Variants in NMBR observed in about 807,000 individuals in gnomAD.
NMBR encodes neuromedin B receptor.
Under a neutral mutation model 20.5 loss-of-function variants are expected in NMBR, and 16 were observed. That is an observed-to-expected ratio of 0.78 (90% CI 0.53 to 1.19). NMBR has a LOEUF of 1.19. Among genes scored for constraint, NMBR ranks in the 50% most tolerant of loss-of-function variants. NMBR has a pLI of 0.00. For missense variants in NMBR, 582 were observed against 499.1 expected (o/e 1.17, Z -1.58); for synonymous variants, 212 against 196.6 (o/e 1.08, Z -0.65).
rs147730421 is a variant in NMBR, at chr6:142,083,379, G to A, written c.423-4476C>T. Among the ~76,000 whole-genome samples, 129 of 152,282 alleles carry A rather than the reference G, an allele frequency of 8.5e-4. No individual in the cohort carries two copies. In the East Asian group the frequency reaches 0.022, roughly 26 times the overall value. On this transcript the variant is annotated intron_variant, in intron 2 of 3. Transcript: ENST00000258042. ...TATGACTCACATTTTGTGAAAGTAT[G>A]GGTCATTTTATATTTTCCAACTTTT...
chr6:142,078,830 C>T lies in NMBR; in HGVS notation c.496G>A (p.Gly166Ser). ...AGCAACACGGAGACCACCCAGATAC[C>T]CATGGCCTTCACACAGGTCCGCAGC... ...ALLRTCVKAM[G>S]IWVVSVLLAV... The change falls in exon 3 of 4, where the codon GGT (glycine) becomes AGT (serine). Residue 166 changes from glycine (G) to serine (S), a missense_variant. Gly to Ser is a moderately conservative substitution (Grantham distance 56). Coordinates refer to ENST00000258042, the MANE Select transcript of NMBR (RefSeq NM_002511.4). 3 of 1,613,896 alleles carry T rather than the reference C, an allele frequency of 1.9e-6. No homozygotes were observed. Among genetic ancestry groups the T allele is most frequent in the Non-Finnish European group, 2.5e-6 (3 of 1,180,002 alleles).
rs1181099175 is a variant in NMBR, at chr6:142,079,094, A to AAG, written c.423-193_423-192dup. On this transcript the variant is annotated intron_variant, in intron 2 of 3. Transcript: ENST00000258042. Reference sequence around the variant, plus strand: ...AAAGAGAGAAAGAAAGAAAGAGAGAAAGAGAGAGAGAGAAAGAAAGAAAGA... The same window carrying AAG: ...AAAGAGAGAAAGAAAGAAAGAGAGAAAGAGAGAGAGAGAGAAAGAAAGAAAGA... Among the ~76,000 whole-genome samples, 29 of 48,946 alleles carry AAG rather than the reference A, an allele frequency of 5.9e-4. No homozygotes were observed. In the Admixed American group the frequency reaches 6.7e-3, roughly 11 times the overall value. The allele number at this position is 48,946 out of a possible 152,430, so 32.1% of individuals were successfully genotyped here. A position where few individuals can be genotyped will look rare whatever the true frequency, so the allele number is the denominator to read the frequency against.
At chr6:142,102,057 A>T (rs1036829196) in intron 1 of NMBR, among the ~76,000 whole-genome samples, 2 of 152,156 alleles carry the variant, frequency 1.3e-5, no homozygotes, top group Non-Finnish European at 2.9e-5. Context: ...TCATGAACCA[A>T]ACCAACTACA....
chr6:142,108,090 C>T (rs900861720), intron 1 of NMBR, among the ~76,000 whole-genome samples: 3 of 151,916 alleles, frequency 2.0e-5, no homozygotes, highest in Admixed American at 6.6e-5. Context: ...ACATGTAGAA[C>T]ATAATTAAGC....
intron 2 of NMBR, among the ~76,000 whole-genome samples, chr6:142,084,773 C>G (rs1324008627): frequency 1.3e-5 from 2 of 152,148 alleles, no homozygotes; most frequent in East Asian, 3.9e-4. Context: ...GGAAACGCAG[C>G]TACTCATATA....
intron 1 of NMBR, among the ~76,000 whole-genome samples, chr6:142,128,957 A>C (rs1778089248): frequency 1.3e-5 from 1 of 77,876 alleles, no homozygotes; most frequent in Admixed American, 1.2e-4. Flanking sequence ...ATGTTTGGTA[A>C]CTTGTTGCAA....
intron 1 of NMBR, among the ~76,000 whole-genome samples, chr6:142,095,060 A>G (rs962346712): frequency 6.6e-6 from 1 of 152,082 alleles, no homozygotes; most frequent in Admixed American, 6.6e-5. Flanking sequence ...GGGCTGAGAC[A>G]ATGGGGTTTT....
intron 1 of NMBR, among the ~76,000 whole-genome samples, chr6:142,141,949 CTT>C (rs754793225): frequency 9.2e-5 from 14 of 151,898 alleles, no homozygotes; most frequent in Non-Finnish European, 1.3e-4. Flanking sequence ...ATTAATAAAA[CTT>C]ATAAATTTCT....
chr6:142,134,123 C>T (rs1436858461), intron 1 of NMBR: 4 of 514,358 alleles, frequency 7.8e-6, no homozygotes, highest in Non-Finnish European at 1.4e-5. Context: ...TGAGAAATAC[C>T]CTAACAGGTT....
chr6:142,138,255 A>AC (rs1230064262), intron 1 of NMBR, among the ~76,000 whole-genome samples: 1 of 152,100 alleles, frequency 6.6e-6, no homozygotes, highest in Non-Finnish European at 1.5e-5. Flanking sequence ...AAGGTTTTCC[A>AC]TTTTTCCTCA....
At chr6:142,077,675 A>G (rs929817637) in intron 3 of NMBR, among the ~76,000 whole-genome samples, 5 of 152,212 alleles carry the variant, frequency 3.3e-5, no homozygotes, top group Non-Finnish European at 7.3e-5. Context: ...TAACATGCCC[A>G]AGGCCCCAGC....
In NMBR at chr6:142,088,499, T is replaced by C. The variant is rs746842869; in HGVS notation, c.160A>G (p.Ile54Val). ...ATGTTGCCCAGCAAGCCCACGGTGA[T>C]GATGAGCAGGTAGAGGGACGGGATC... is the stretch of plus-strand genomic sequence containing the variant. ...CVIPSLYLLI[I>V]TVGLLGNIML... Residue 54 changes from isoleucine (I) to valine (V), a missense_variant, in exon 2 of 4, where the codon ATC (isoleucine) becomes GTC (valine). Transcript: ENST00000258042. 2 of 1,613,808 alleles carry C rather than the reference T, an allele frequency of 1.2e-6. No individual in the cohort carries two copies. Among genetic ancestry groups the C allele is most frequent in the Non-Finnish European group, 1.7e-6 (2 of 1,179,982 alleles).
At chr6:142,094,992 A>G (rs1777415980) in intron 1 of NMBR, among the ~76,000 whole-genome samples, 1 of 152,272 alleles carries the variant, frequency 6.6e-6, no homozygotes, top group South Asian at 2.1e-4. Flanking sequence ...TGATTTTTGC[A>G]CATTGATTTT....
At chr6:142,082,071 T>C (rs942896978) in intron 2 of NMBR, among the ~76,000 whole-genome samples, 9 of 152,188 alleles carry the variant, frequency 5.9e-5, no homozygotes, top group Non-Finnish European at 4.4e-5. Context: ...AAAAATGGGA[T>C]ATTTTTTACC....
intron 1 of NMBR, among the ~76,000 whole-genome samples, chr6:142,104,400 A>G (rs1777620269): frequency 6.6e-6 from 1 of 152,220 alleles, no homozygotes; most frequent in African/African-American, 2.4e-5. Context: ...CACGTAATTT[A>G]ACATGTCAAA....
intron 1 of NMBR, among the ~76,000 whole-genome samples, chr6:142,093,559 A>C (rs1777379711): frequency 6.6e-6 from 1 of 151,720 alleles, no homozygotes; most frequent in African/African-American, 2.4e-5. Context: ...TCATTGTTGG[A>C]CATTTGGGTT....
At chr6:142,108,216 A>G (rs915970891) in intron 1 of NMBR, among the ~76,000 whole-genome samples, 1 of 152,228 alleles carries the variant, frequency 6.6e-6, no homozygotes, top group African/African-American at 2.4e-5. Context: ...AAAACCATCT[A>G]TACATCAAAG....
intron 1 of NMBR, among the ~76,000 whole-genome samples, chr6:142,145,020 T>TAA (rs34522158): frequency 0.04 from 3,881 of 97,162 alleles, 271 homozygotes; most frequent in African/African-American, 0.14. Context: ...AGAACCTGTC[T>TAA]AAAAAAAAAA....
intron 1 of NMBR, among the ~76,000 whole-genome samples, chr6:142,094,363 A>G (rs1285058473): frequency 6.6e-6 from 1 of 152,182 alleles, no homozygotes; most frequent in Non-Finnish European, 1.5e-5. Context: ...TCAGCTTTCT[A>G]CATATGGCTG....
Sources: allele counts gnomAD v4.1 joint callset (sites outside exome capture counted in the v4.1 genomes callset), GRCh38; gene constraint gnomAD v4.1.1; transcripts MANE v1.5; gene names NCBI Gene and HGNC (gene_info 2026-07-23, HGNC 2026-07-21).